Variants in LUZP2 observed in about 807,000 individuals in gnomAD.
LUZP2 encodes leucine zipper protein 2.
In LUZP2, 52 loss-of-function variants were observed where a neutral mutation model predicts 51.6. That is an observed-to-expected ratio of 1.01 (90% CI 0.81 to 1.27). The LOEUF (loss-of-function observed/expected upper bound fraction) is 1.27, where lower values mean the gene tolerates loss of function less well. LUZP2 is among the 50% of genes most tolerant of loss of function. The pLI is 0.00. For missense variants in LUZP2, 436 were observed against 395.4 expected, an observed-to-expected ratio of 1.10 and a Z score of -0.87; for synonymous variants, 154 against 137.3, an observed-to-expected ratio of 1.12 and a Z score of -0.85.
At chr11:25,050,625 A>G (rs1033561309) in intron 10 of LUZP2, among the ~76,000 whole-genome samples, 1 of 152,052 alleles carries the variant, frequency 6.6e-6, no homozygotes, top group African/African-American at 2.4e-5. Flanking sequence ...TTTGTTATGA[A>G]TCAGGTAAGT....
At chr11:24,897,715 A>G (rs1853128210) in intron 5 of LUZP2, among the ~76,000 whole-genome samples, 1 of 152,210 alleles carries the variant, frequency 6.6e-6, no homozygotes, top group Admixed American at 6.5e-5. Flanking sequence ...AGTGAGACCA[A>G]GAACCCACCA....
intron 1 of LUZP2, among the ~76,000 whole-genome samples, chr11:24,632,774 C>T (rs1385482812): frequency 1.3e-5 from 2 of 151,912 alleles, no homozygotes; most frequent in Non-Finnish European, 2.9e-5. Context: ...TAAGGAAATG[C>T]AAAATATCAC....
At chr11:24,796,570 GA>G (rs772729654) in intron 5 of LUZP2, among the ~76,000 whole-genome samples, 154 of 116,326 alleles carry the variant, frequency 1.3e-3, no homozygotes, top group East Asian at 1.9e-3. Flanking sequence ...GAGCCAAAGA[GA>G]AAAAAAAAAA....
rs1488461530 is a variant in LUZP2 at position 24,636,888 on chromosome 11, CAAAT to C, written c.63-92277_63-92274del. The stretch of plus-strand genomic sequence containing the variant: ...AGGGCAAACAGACATGAAATTCCAA[CAAAT>C]AAAAATGATATAAGCCAATTTTTGC... On this transcript the variant is annotated intron_variant, in intron 1 of 11. Transcript: ENST00000336930. Among the ~76,000 whole-genome samples, 4 of 149,148 alleles carry C rather than the reference CAAAT, an allele frequency of 2.7e-5. No homozygotes were observed. In the South Asian group the frequency reaches 8.4e-4, roughly 31 times the overall value.
At chr11:24,901,067 A>G (rs1211268049) in intron 5 of LUZP2, among the ~76,000 whole-genome samples, 2 of 152,166 alleles carry the variant, frequency 1.3e-5, no homozygotes, top group South Asian at 2.1e-4. Context: ...AGATAAAAAC[A>G]AAACAGAACA....
intron 5 of LUZP2, among the ~76,000 whole-genome samples, chr11:24,850,905 G>C (rs2716527): frequency 0.15 from 23,040 of 152,080 alleles, 1,900 homozygotes; most frequent in African/African-American, 0.2. Flanking sequence ...GTTCACTCAT[G>C]ATTTGGCTCT....
intron 5 of LUZP2, chr11:24,891,782 A>G (rs1181274312): frequency 1.0e-6 from 1 of 960,926 alleles, no homozygotes; most frequent in Admixed American, 6.2e-5. Flanking sequence ...CATAGATCAT[A>G]CAAAGAGAGA....
chr11:24,502,557 CGTAT>C (rs1321120479), intron 1 of LUZP2, among the ~76,000 whole-genome samples: 1 of 151,728 alleles, frequency 6.6e-6, no homozygotes, highest in African/African-American at 2.4e-5. Context: ...CTGATTTTTT[CGTAT>C]TTTTAGTGAA....
chr11:24,643,403 G>A (rs1419443911), intron 1 of LUZP2, among the ~76,000 whole-genome samples: 2 of 152,008 alleles, frequency 1.3e-5, no homozygotes, highest in Non-Finnish European at 2.9e-5. Context: ...TGAGACTGGA[G>A]AAAGCAAAAT....
intron 1 of LUZP2, among the ~76,000 whole-genome samples, chr11:24,720,331 A>G (rs1400319512): frequency 1.3e-5 from 2 of 152,238 alleles, no homozygotes; most frequent in African/African-American, 4.8e-5. Context: ...AGACATTTAC[A>G]AATGATTTTT....
At chr11:24,594,693 C>T (rs1232743454) in intron 1 of LUZP2, among the ~76,000 whole-genome samples, 2 of 148,338 alleles carry the variant, frequency 1.3e-5, no homozygotes, top group Non-Finnish European at 3.0e-5. Flanking sequence ...CATATGGAAA[C>T]ATTGGCCTTG....
intron 5 of LUZP2, among the ~76,000 whole-genome samples, chr11:24,794,206 A>C (rs1265626112): frequency 6.6e-6 from 1 of 152,142 alleles, no homozygotes; most frequent in Non-Finnish European, 1.5e-5. Context: ...TTAAACCTTG[A>C]CCAAGCAGAA....
chr11:25,016,563 T>A (rs1377853594), intron 9 of LUZP2, among the ~76,000 whole-genome samples: 1 of 152,080 alleles, frequency 6.6e-6, no homozygotes, highest in Non-Finnish European at 1.5e-5. Flanking sequence ...CATATCATGG[T>A]GTGGGTGTAC....
intron 1 of LUZP2, among the ~76,000 whole-genome samples, chr11:24,603,117 G>A (rs1386221120): frequency 3.3e-5 from 5 of 151,744 alleles, no homozygotes; most frequent in African/African-American, 9.7e-5. Flanking sequence ...ATAACAAGCA[G>A]TATATTTGGT....
In LUZP2 at chr11:24,571,917, C is replaced by T. The variant is rs369467641; in HGVS notation, c.62+74612C>T. Among the ~76,000 whole-genome samples, 13 of 152,076 alleles carry T rather than the reference C, an allele frequency of 8.5e-5. 1 individual carries two copies. The South Asian group carries it at 1.0e-3, about 12-fold the overall frequency. ...CTAGTAAGATAATGTACTTCTACAT[C>T]CTCTATTTGTGTTACTCTTTCCATA... On this transcript the variant is annotated intron_variant, in intron 1 of 11. Coordinates refer to ENST00000336930, the MANE Select transcript of LUZP2 (RefSeq NM_001009909.4).
intron 4 of LUZP2, among the ~76,000 whole-genome samples, chr11:24,747,313 T>C (rs543864543): frequency 1.0e-3 from 152 of 152,266 alleles, no homozygotes; most frequent in African/African-American, 3.4e-3. Context: ...GATTGTGATC[T>C]CTCTTCTGGG....
intron 10 of LUZP2, among the ~76,000 whole-genome samples, chr11:25,068,045 C>A (rs992162169): frequency 2.6e-5 from 4 of 152,006 alleles, no homozygotes; most frequent in African/African-American, 9.7e-5. Context: ...AACCATCATT[C>A]TCAGCAAACT....
chr11:25,006,912 G>A (rs1856848314), intron 9 of LUZP2, among the ~76,000 whole-genome samples: 1 of 152,178 alleles, frequency 6.6e-6, no homozygotes, highest in South Asian at 2.1e-4. Context: ...GCGGGTTGCT[G>A]CTGCTGGCTT....
At chr11:24,931,373 G>C (rs1854447180) in intron 7 of LUZP2, among the ~76,000 whole-genome samples, 1 of 152,060 alleles carries the variant, frequency 6.6e-6, no homozygotes, top group Non-Finnish European at 1.5e-5. Context: ...TATTCCTGAA[G>C]GGATGGGTTG....
Sources: allele counts gnomAD v4.1 joint callset (sites outside exome capture counted in the v4.1 genomes callset), GRCh38; gene constraint gnomAD v4.1.1; transcripts MANE v1.5; gene names NCBI Gene and HGNC (gene_info 2026-07-23, HGNC 2026-07-21).